The following STX3 variants were observed in gnomAD, a reference collection of about 807,000 sequenced individuals.
STX3 encodes the protein syntaxin 3, also known as syntaxin-3.
Under a neutral mutation model 40.2 loss-of-function variants are expected in STX3, and 19 were observed. The observed-to-expected ratio is 0.47, with a 90% CI of 0.33 to 0.69. STX3 has a LOEUF of 0.69. Among genes scored for constraint, STX3 ranks in the 30% least tolerant of loss-of-function variants. STX3 has a pLI of 0.02. For missense variants in STX3, 364 were observed against 366.7 expected, an observed-to-expected ratio of 0.99 and a Z score of 0.06; for synonymous variants, 122 against 132.2, an observed-to-expected ratio of 0.92 and a Z score of 0.53.
At chr11:59,770,699 A>C (rs1863566233) in intron 1 of STX3, among the ~76,000 whole-genome samples, 2 of 152,134 alleles carry the variant, frequency 1.3e-5, no homozygotes, top group Admixed American at 1.3e-4. Context: ...AAAATTGGTT[A>C]AATTTCTATT....
chr11:59,792,027 T>A (rs79081229), intron 5 of STX3, 80 bp from the exon 6 acceptor site: 78,281 of 1,111,818 alleles, frequency 0.07, 3,709 homozygotes, highest in African/African-American at 0.2. Flanking sequence ...CTATTGTAGA[T>A]GGCTATGTGG....
rs1176800524 is a variant in STX3 at position 59,801,933 on chromosome 11, G to C, written c.*1109G>C. 1.0e-6 allele frequency: 1 copy of C among 985,420 alleles called. No individual in the cohort carries two copies. Among genetic ancestry groups the C allele is most frequent in the Non-Finnish European group, 1.2e-6 (1 of 829,920 alleles). 61.0% of individuals were successfully genotyped at this position (985,420 alleles called of 1,614,324 possible). A position where few individuals can be genotyped will look rare whatever the true frequency, so the allele number is the denominator to read the frequency against. ...ATCTTCCCATATCATCAAGAAACTT[G>C]TTTTCTGGATGAATACTGGGAGAAT... On this transcript the variant is annotated 3_prime_UTR_variant, in exon 11 of 11. Transcript: ENST00000337979.
At chr11:59,761,148 C>T (rs1863011870) in intron 1 of STX3, among the ~76,000 whole-genome samples, 1 of 152,230 alleles carries the variant, frequency 6.6e-6, no homozygotes, top group Non-Finnish European at 1.5e-5. Context: ...AGTTCCAAGG[C>T]TCCTAACTAC....
At chr11:59,764,537 A>G (rs1451256891) in intron 1 of STX3, among the ~76,000 whole-genome samples, 5 of 152,206 alleles carry the variant, frequency 3.3e-5, no homozygotes, top group African/African-American at 1.2e-4. Flanking sequence ...GTTGGATTAT[A>G]TACACTGGTA....
At position 59,800,928 on chromosome 11, in the gene STX3, A is replaced by G. The variant is rs528251130; in HGVS notation, c.*104A>G. The G allele has an allele frequency of 3.4e-5, 52 of 1,536,220 alleles. No individual in the cohort carries two copies. The East Asian group carries it at 1.1e-3, about 33-fold the overall frequency. Reference sequence around the variant, plus strand: ...GAATGGAGTCTGAATGGCCTTCCTGAGAGCGAGTGCGACCCGTTCCTTTGT... The same window carrying G: ...GAATGGAGTCTGAATGGCCTTCCTGGGAGCGAGTGCGACCCGTTCCTTTGT... On this transcript the variant is annotated 3_prime_UTR_variant, in exon 11 of 11. Transcript: ENST00000337979.
At position 59,797,404 on chromosome 11, in the gene STX3, A is replaced by T; in HGVS notation, c.*30+8A>T. 6.2e-7 allele frequency: 1 copy of T among 1,607,762 alleles called. No homozygotes were observed. Among genetic ancestry groups the T allele is most frequent in the Non-Finnish European group, 8.5e-7 (1 of 1,175,196 alleles). On this transcript the variant is annotated splice_region_variant and intron_variant, in intron 10 of 10. Coordinates refer to ENST00000337979, the MANE Select transcript of STX3 (RefSeq NM_004177.5). ...AGGCTGCTGCACTGAAATGTAAGTA[A>T]ACGAGTGGTTCTTGGGGACTCTGGA... is the stretch of plus-strand genomic sequence containing the variant.
At chr11:59,792,407 A>C (rs1401710045) in intron 6 of STX3, among the ~76,000 whole-genome samples, 192 bp downstream of exon 6, 1 of 152,208 alleles carries the variant, frequency 6.6e-6, no homozygotes, top group Non-Finnish European at 1.5e-5. Flanking sequence ...ATCAGGCCCA[A>C]GTAATTTTAT....
intron 1 of STX3, among the ~76,000 whole-genome samples, chr11:59,757,539 T>G (rs1186422290): frequency 6.6e-6 from 1 of 152,178 alleles, no homozygotes; most frequent in African/African-American, 2.4e-5. Flanking sequence ...ATGGTTACCC[T>G]CTGTACAATG....
chr11:59,802,135 C>A lies in STX3; in HGVS notation c.*1311C>A. 1.0e-6 allele frequency: 1 copy of A among 985,392 alleles called. No individual in the cohort carries two copies. The highest frequency in any genetic ancestry group is 1.2e-6 in the Non-Finnish European group (1 of 829,932). 61.0% of individuals were successfully genotyped at this position (985,392 alleles called of 1,614,324 possible). On this transcript the variant is annotated 3_prime_UTR_variant, in exon 11 of 11. Transcript: ENST00000337979. The stretch of plus-strand genomic sequence containing the variant: ...CCTACAGGATGTCCCATCTGCAGGG[C>A]TGAGTCAGTTGGGGAACACCAGAGG...
At chr11:59,792,243 C>T (rs377300883) in intron 6 of STX3, 28 bp downstream of exon 6, 3 of 1,589,964 alleles carry the variant, frequency 1.9e-6, no homozygotes, top group South Asian at 2.2e-5. Context: ...GGCGTGTGCC[C>T]TCCACCTTTC....
rs769066071 is a variant in STX3, at chr11:59,755,665, A to G, written c.30+30A>G. 8 of 1,589,806 alleles carry G rather than the reference A, an allele frequency of 5.0e-6. No individual in the cohort carries two copies. The South Asian group carries it at 8.8e-5, about 18-fold the overall frequency. ...GTTTCGCCGCAGGCGGGGTGCTGCC[A>G]GGAGGGGTGCTGCATGGGAGAGGGG... On this transcript the variant is annotated intron_variant, in intron 1 of 10. Transcript: ENST00000337979.
chr11:59,754,570 C>T (rs1380950844), upstream of STX3: 1 of 152,432 alleles, frequency 6.6e-6, no homozygotes, highest in Non-Finnish European at 1.5e-5. Context: ...GCAGAAGCCG[C>T]CTGGGAACCA....
intron 1 of STX3, among the ~76,000 whole-genome samples, chr11:59,771,317 G>A (rs986752680): frequency 2.7e-4 from 36 of 132,654 alleles, no homozygotes; most frequent in African/African-American, 1.0e-3. Flanking sequence ...GGTTGAAGGT[G>A]GGGTGAGCTG....
intron 1 of STX3, among the ~76,000 whole-genome samples, chr11:59,762,987 T>C (rs1295358855): frequency 6.6e-6 from 1 of 152,180 alleles, no homozygotes; most frequent in Non-Finnish European, 1.5e-5. Context: ...CAACCTTGAA[T>C]TCAGGCAAGG....
intron 1 of STX3, among the ~76,000 whole-genome samples, chr11:59,762,703 CAG>C (rs752965465): frequency 6.6e-5 from 10 of 151,674 alleles, no homozygotes; most frequent in Non-Finnish European, 1.2e-4. Flanking sequence ...GGACAGGAGA[CAG>C]GGGAAGGGAG....
chr11:59,756,845 G>A (rs1319635819), intron 1 of STX3, among the ~76,000 whole-genome samples: 1 of 152,218 alleles, frequency 6.6e-6, no homozygotes, highest in African/African-American at 2.4e-5. Flanking sequence ...GGTGAAATAT[G>A]CTAATAACTG....
chr11:59,801,043 G>C lies in STX3; in HGVS notation c.*219G>C. On this transcript the variant is annotated 3_prime_UTR_variant, in exon 11 of 11. Transcript: ENST00000337979. ...CTGATGCGACCCTGAGTTCTCCCCA[G>C]AGCCTCCTCCTGCCCCACCAGCTCT... is the stretch of plus-strand genomic sequence containing the variant. The C allele has an allele frequency of 6.8e-7, 1 of 1,480,520 alleles. No homozygotes were observed. The highest frequency in any genetic ancestry group is 8.9e-7 in the Non-Finnish European group (1 of 1,117,824). 91.7% of individuals were successfully genotyped at this position (1,480,520 alleles called of 1,614,324 possible).
intron 2 of STX3, among the ~76,000 whole-genome samples, chr11:59,784,013 G>T (rs1454837542): frequency 1.3e-5 from 2 of 152,168 alleles, no homozygotes; most frequent in Admixed American, 6.5e-5. Flanking sequence ...TAGGCAGGTT[G>T]CGGATAGAGC....
At chr11:59,780,452 C>T (rs908104652) in intron 2 of STX3, among the ~76,000 whole-genome samples, 1 of 152,132 alleles carries the variant, frequency 6.6e-6, no homozygotes, top group African/African-American at 2.4e-5. Context: ...GTTTAAGCCA[C>T]CTAGGCTATG....
Sources: allele counts gnomAD v4.1 joint callset (sites outside exome capture counted in the v4.1 genomes callset), GRCh38; gene constraint gnomAD v4.1.1; transcripts MANE v1.5; gene names NCBI Gene and HGNC (gene_info 2026-07-23, HGNC 2026-07-21).